Variants in PTPRN2 observed in about 807,000 individuals in gnomAD.
PTPRN2 encodes the protein protein tyrosine phosphatase receptor type N2.
Under a neutral mutation model 118.8 loss-of-function variants are expected in PTPRN2, and 74 were observed. The observed-to-expected ratio is 0.62, with a 90% CI of 0.52 to 0.76. The LOEUF is 0.76. Among genes scored for constraint, PTPRN2 ranks in the 30% least tolerant of loss-of-function variants. PTPRN2 has a pLI of 0.00. For synonymous variants in PTPRN2, 641 were observed against 608.0 expected (o/e 1.05, Z -0.80); for missense variants, 1,481 against 1,394.4 (o/e 1.06, Z -0.99).
At chr7:158,032,974 T>C (rs569125966) in intron 11 of PTPRN2, among the ~76,000 whole-genome samples, 2 of 149,816 alleles carry the variant, frequency 1.3e-5, no homozygotes, top group South Asian at 4.2e-4. Context: ...GAGTTGTTTC[T>C]TCAGATGTGC....
intron 9 of PTPRN2, among the ~76,000 whole-genome samples, chr7:158,131,589 C>T (rs1818302581): frequency 6.6e-6 from 1 of 151,768 alleles, no homozygotes; most frequent in South Asian, 2.1e-4. Context: ...CACTCATACA[C>T]ACACACGAAC....
rs1798683826 is a variant in PTPRN2 at position 158,273,560 on chromosome 7, A to T, written c.277+43259T>A. Among the ~76,000 whole-genome samples the T allele has an allele frequency of 4.2e-5, 4 of 95,286 alleles. 1 individual carries two copies. The South Asian group carries it at 1.0e-3, about 25-fold the overall frequency. 62.5% of individuals were successfully genotyped at this position (95,286 alleles called of 152,430 possible). A position where few individuals can be genotyped will look rare whatever the true frequency, so the allele number is the denominator to read the frequency against. Reference sequence around the variant, plus strand: ...CACGGGGAGCCGCAGACACAGGGGGAGCCGCAGGCACAGGGGGAGCCGCAG... The same window carrying T: ...CACGGGGAGCCGCAGACACAGGGGGTGCCGCAGGCACAGGGGGAGCCGCAG... On this transcript the variant is annotated intron_variant, in intron 3 of 22. Coordinates refer to ENST00000389418, the MANE Select transcript of PTPRN2 (RefSeq NM_002847.5).
In PTPRN2 at chr7:158,198,198, C is replaced by T. The variant is rs553412768; in HGVS notation, c.381-5703G>A. ...TAAATTGTCGTATTCATCTTTGCTT[C>T]GCCTCTGTCCATGCCTGGGGACTTG... On this transcript the variant is annotated intron_variant, in intron 4 of 22. Coordinates refer to ENST00000389418, the MANE Select transcript of PTPRN2 (RefSeq NM_002847.5). 6.6e-5 allele frequency among the ~76,000 whole-genome samples: 10 copies of T among 152,270 alleles called. No individual in the cohort carries two copies. The South Asian group carries it at 1.0e-3, about 16-fold the overall frequency.
chr7:158,533,466 G>T (rs76263467), intron 1 of PTPRN2, among the ~76,000 whole-genome samples: 1 of 152,184 alleles, frequency 6.6e-6, no homozygotes, highest in Non-Finnish European at 1.5e-5. Flanking sequence ...GTGGCCCAAC[G>T]TGGAGTGCTA....
intron 3 of PTPRN2, among the ~76,000 whole-genome samples, chr7:158,249,434 A>G (rs1007025146): frequency 2.0e-5 from 3 of 151,102 alleles, no homozygotes; most frequent in South Asian, 4.2e-4. Context: ...CGCATCACAC[A>G]CATGCACACC....
intron 16 of PTPRN2, among the ~76,000 whole-genome samples, chr7:157,600,259 CTCCACCTGCCCACA>C (rs1801598181): frequency 6.6e-6 from 1 of 151,412 alleles, no homozygotes; most frequent in African/African-American, 2.4e-5. Flanking sequence ...CTGCCCACAT[CTCCACCTGCCCACA>C]TCTCCACCTG....
At chr7:158,519,277 G>A (rs1823806935) in intron 1 of PTPRN2, among the ~76,000 whole-genome samples, 1 of 152,210 alleles carries the variant, frequency 6.6e-6, no homozygotes, top group African/African-American at 2.4e-5. Flanking sequence ...CTGCCAGCCA[G>A]CACATCTCCT....
At chr7:158,344,275 T>C (rs1295329512) in intron 2 of PTPRN2, among the ~76,000 whole-genome samples, 2 of 152,050 alleles carry the variant, frequency 1.3e-5, no homozygotes, top group Non-Finnish European at 2.9e-5. Context: ...GGAAGAGCTG[T>C]CTTCAGCAGG....
At chr7:158,246,412 G>T (rs938130811) in intron 3 of PTPRN2, among the ~76,000 whole-genome samples, 1 of 151,360 alleles carries the variant, frequency 6.6e-6, no homozygotes, top group African/African-American at 2.4e-5. Flanking sequence ...CAAGAAGGAA[G>T]AAGACGGCTC....
rs2533296 is a variant in PTPRN2 at position 157,746,181 on chromosome 7, C to T, written c.1789-63244G>A. ...CATGGGACCCTGAGCATGAAGATCA[C>T]GGGCCTCCCCTAGACCCCACAGTCC... On this transcript the variant is annotated intron_variant, in intron 12 of 22. Transcript: ENST00000389418. Among the ~76,000 whole-genome samples, 1,085 of 133,162 alleles carry T rather than the reference C, an allele frequency of 8.1e-3. 10 individuals carry two copies. The highest frequency in any genetic ancestry group is 0.026 in the African/African-American group (864 of 32,694). The allele number at this position is 133,162 out of a possible 152,430, so 87.4% of individuals were successfully genotyped here.
At chr7:158,239,739 T>G (rs1035391128) in intron 3 of PTPRN2, among the ~76,000 whole-genome samples, 1 of 152,182 alleles carries the variant, frequency 6.6e-6, no homozygotes, top group African/African-American at 2.4e-5. Context: ...ACGCTGCACT[T>G]CCCACATCTG....
intron 1 of PTPRN2, among the ~76,000 whole-genome samples, chr7:158,520,747 T>G (rs2129447696): frequency 1.3e-5 from 2 of 152,316 alleles, no homozygotes; most frequent in East Asian, 3.9e-4. Context: ...CGAAGAACGA[T>G]CGGGTGGCTG....
intron 2 of PTPRN2, among the ~76,000 whole-genome samples, chr7:158,370,748 G>GTC (rs976392628): frequency 7.9e-5 from 12 of 151,890 alleles, no homozygotes; most frequent in African/African-American, 2.9e-4. Flanking sequence ...CGAGACTCCT[G>GTC]TCTCAAAAAA....
intron 11 of PTPRN2, among the ~76,000 whole-genome samples, chr7:157,919,129 C>T (rs755622843): frequency 9.9e-5 from 15 of 152,230 alleles, no homozygotes; most frequent in Admixed American, 3.9e-4. Context: ...AATTCAATAG[C>T]GACTGATCAA....
intron 11 of PTPRN2, among the ~76,000 whole-genome samples, chr7:158,049,625 C>T (rs116727239): frequency 0.015 from 2,243 of 152,264 alleles, 59 homozygotes; most frequent in African/African-American, 0.052. Flanking sequence ...TGAGGCCGGG[C>T]GCAGGGGCTC....
chr7:157,546,684 G>A (rs1798335348), intron 22 of PTPRN2, among the ~76,000 whole-genome samples: 1 of 152,160 alleles, frequency 6.6e-6, no homozygotes, highest in Non-Finnish European at 1.5e-5. Flanking sequence ...ATCATTGATG[G>A]GCATTTGCGT....
At chr7:158,110,362 C>A (rs1321178370) in intron 10 of PTPRN2, among the ~76,000 whole-genome samples, 1 of 152,248 alleles carries the variant, frequency 6.6e-6, no homozygotes, top group African/African-American at 2.4e-5. Context: ...CCAGGTCACG[C>A]TGAGACCATG....
At chr7:158,365,800 G>A (rs1809411757) in intron 2 of PTPRN2, among the ~76,000 whole-genome samples, 1 of 124,776 alleles carries the variant, frequency 8.0e-6, no homozygotes, top group Non-Finnish European at 1.6e-5. Context: ...CACACACACA[G>A]CATCCCTGGG....
intron 2 of PTPRN2, among the ~76,000 whole-genome samples, chr7:158,421,757 T>C (rs1264262104): frequency 1.3e-5 from 2 of 152,244 alleles, no homozygotes; most frequent in African/African-American, 4.8e-5. Context: ...TTGGGAGCCA[T>C]ATGCTCTGTT....
Sources: allele counts gnomAD v4.1 joint callset (sites outside exome capture counted in the v4.1 genomes callset), GRCh38; gene constraint gnomAD v4.1.1; transcripts MANE v1.5; gene names NCBI Gene and HGNC (gene_info 2026-07-23, HGNC 2026-07-21).